Variants in MCF2L observed in about 807,000 individuals in gnomAD.
The protein encoded by MCF2L is MCF.2 cell line derived transforming sequence like, also known as guanine nucleotide exchange factor DBS.
Under a neutral mutation model 153.4 loss-of-function variants are expected in MCF2L, and 97 were observed. The ratio of observed to expected loss-of-function variants is 0.63; its 90% CI spans 0.54 to 0.75. MCF2L has a LOEUF of 0.75. MCF2L is among the 30% of genes least tolerant of loss of function. MCF2L has a pLI of 0.00. For missense variants in MCF2L, 1,347 were observed against 1,495.2 expected, an observed-to-expected ratio of 0.90 and a Z score of 1.64; for synonymous variants, 659 against 632.2, an observed-to-expected ratio of 1.04 and a Z score of -0.64.
chr13:112,999,775 C>T (rs146466265), intron 1 of MCF2L, among the ~76,000 whole-genome samples: 6 of 152,320 alleles, frequency 3.9e-5, no homozygotes, highest in African/African-American at 7.2e-5. Context: ...GGGGACCCAC[C>T]GTGTGGCACC....
chr13:113,079,355 G>A (rs72663541), intron 15 of MCF2L, among the ~76,000 whole-genome samples: 32 of 151,880 alleles, frequency 2.1e-4, no homozygotes, highest in Non-Finnish European at 3.5e-4. Flanking sequence ...TGAGGCACAC[G>A]CGGCTCCCTC....
At position 113,004,365 on chromosome 13, in the gene MCF2L, G is replaced by A. The variant is rs145294783; in HGVS notation, c.80-10398G>A. Among the ~76,000 whole-genome samples the A allele has an allele frequency of 3.7e-3, 567 of 152,320 alleles. 2 individuals are homozygous for A. Among genetic ancestry groups the A allele is most frequent in the African/African-American group, 0.013 (539 of 41,564 alleles). ...ACCTCCCACCTGCACAGCATCCTGC[G>A]TCGTAGCCAACACCACCTCCTCCAT... On this transcript the variant is annotated intron_variant, in intron 1 of 29. Transcript: ENST00000535094.
rs57296441 is a variant in MCF2L, at chr13:112,919,046, CCT to C, written c.169+16680_169+16681del. Among the ~76,000 whole-genome samples, 348 of 152,262 alleles carry C rather than the reference CCT, an allele frequency of 2.3e-3. 1 individual carries two copies. The highest frequency in any genetic ancestry group is 8.0e-3 in the African/African-American group (333 of 41,534). On this transcript the variant is annotated intron_variant, in intron 2 of 29. Transcript: ENST00000375608. Reference sequence around the variant, plus strand: ...ACACCTGTGGTCTGTGGGCCCCGTGCCTCTCTTACTATTCCTTCATTCTCTTT... The same window carrying C: ...ACACCTGTGGTCTGTGGGCCCCGTGCCTCTTACTATTCCTTCATTCTCTTT...
chr13:112,987,338 T>C (rs572024064), intron 1 of MCF2L, among the ~76,000 whole-genome samples: 1 of 39,470 alleles, frequency 2.5e-5, no homozygotes, highest in South Asian at 8.3e-4. Context: ...CCAGGGCTCG[T>C]TGTCTGCCCC....
rs1446195904 is a variant in MCF2L, at chr13:112,943,336, CCCCCGG to C, written c.169+40968_169+40973del. Among the ~76,000 whole-genome samples the C allele has an allele frequency of 2.0e-5, 3 of 152,276 alleles. No homozygotes were observed. The highest frequency in any genetic ancestry group is 7.2e-5 in the African/African-American group (3 of 41,576). ...GGGGGGTCGCGGTCGAGCTCTAGGG[CCCCCGG>C]CCGCAGAGCCCAGGCGCGGGGAGGG... On this transcript the variant is annotated intron_variant, in intron 2 of 29. Transcript: ENST00000375608. The surrounding 1 kb of genome is among the most constrained non-coding windows in gnomAD (Gnocchi z 4.2).
chr13:113,061,100 G>A (rs1283215078), intron 5 of MCF2L, among the ~76,000 whole-genome samples: 4 of 152,152 alleles, frequency 2.6e-5, no homozygotes, highest in Non-Finnish European at 5.9e-5. Context: ...TGCACCCCAG[G>A]GATGAGAGAA....
chr13:112,998,703 C>T (rs374907055), intron 1 of MCF2L, among the ~76,000 whole-genome samples: 44 of 152,300 alleles, frequency 2.9e-4, no homozygotes, highest in African/African-American at 9.6e-4. Flanking sequence ...TTCTGTCTTG[C>T]GCCGATTGGA....
chr13:113,019,165 G>A (rs1354776515), intron 2 of MCF2L, among the ~76,000 whole-genome samples: 6 of 152,156 alleles, frequency 3.9e-5, no homozygotes, highest in African/African-American at 7.2e-5. Context: ...CTTACATCTC[G>A]TCCTAAGGAT....
intron 2 of MCF2L, among the ~76,000 whole-genome samples, chr13:112,935,778 A>T (rs1382943624): frequency 6.6e-6 from 1 of 152,224 alleles, no homozygotes; most frequent in Non-Finnish European, 1.5e-5. Context: ...AGATGAAGTC[A>T]TGCAGGAGTG....
chr13:113,017,274 C>T (rs1012290424), intron 2 of MCF2L, among the ~76,000 whole-genome samples: 2 of 152,332 alleles, frequency 1.3e-5, no homozygotes, highest in African/African-American at 2.4e-5. Context: ...AACTGGGGCT[C>T]GTCTCTCAGG....
In MCF2L at chr13:112,941,630, C is replaced by T. The variant is rs2081576272; in HGVS notation, c.169+39259C>T. ...GGATAAAGTTCCTAAAACCATGGTCCACTGTGGGCGGCAAGCCACCCAGGT... is the reference window on the plus strand; with the variant it reads ...GGATAAAGTTCCTAAAACCATGGTCTACTGTGGGCGGCAAGCCACCCAGGT... On this transcript the variant is annotated intron_variant, in intron 2 of 29. Transcript: ENST00000375608. The surrounding 1 kb of genome is among the most constrained non-coding windows in gnomAD (Gnocchi z 4.9). 6.6e-6 allele frequency among the ~76,000 whole-genome samples: 1 copy of T among 151,890 alleles called. No individual in the cohort carries two copies. The highest frequency in any genetic ancestry group is 1.5e-5 in the Non-Finnish European group (1 of 68,010).
chr13:112,894,360 G>A (rs1471748123), upstream of MCF2L: 1 of 146,630 alleles, frequency 6.8e-6, no homozygotes, highest in Non-Finnish European at 1.5e-5. Context: ...CTGGGAGGAG[G>A]CGTCAGGACG....
chr13:113,088,292 G>A (rs769953589), intron 23 of MCF2L, 35 bp from the exon 24 acceptor site: 4 of 1,563,278 alleles, frequency 2.6e-6, no homozygotes, highest in South Asian at 1.1e-5. Flanking sequence ...GGGGGCCTGA[G>A]TACTCACCTC....
At chr13:113,034,096 T>C (rs1424392554) in intron 3 of MCF2L, 1 of 160,124 alleles carries the variant, frequency 6.2e-6, no homozygotes, top group East Asian at 2.0e-4. Context: ...GAAAGCAAAA[T>C]AAAATTAAAA....
chr13:113,066,799 G>A (rs947203250), intron 8 of MCF2L, among the ~76,000 whole-genome samples: 16 of 148,242 alleles, frequency 1.1e-4, no homozygotes, highest in Non-Finnish European at 1.8e-4. Context: ...CCCTGCCTCC[G>A]AGCTGAGGAG....
intron 1 of MCF2L, 41 bp from the exon 2 acceptor site, chr13:113,014,722 C>T (rs538270030): frequency 1.3e-6 from 2 of 1,576,968 alleles, no homozygotes; most frequent in African/African-American, 1.3e-5. Flanking sequence ...GGTGAGGCAG[C>T]TTCCTGGGAC....
At chr13:112,985,053 A>C in intron 1 of MCF2L, 1 of 198,036 alleles carries the variant, frequency 5.0e-6, no homozygotes, top group African/African-American at 2.3e-5. Flanking sequence ...AAAGCAAGGG[A>C]GGCCATGCCC....
At chr13:112,896,110 T>TC (rs2081065447) in intron 1 of MCF2L, among the ~76,000 whole-genome samples, 1 of 152,084 alleles carries the variant, frequency 6.6e-6, no homozygotes, top group South Asian at 2.1e-4. Context: ...TGGCACCACC[T>TC]CCCCCATCAC....
intron 3 of MCF2L, among the ~76,000 whole-genome samples, chr13:113,036,933 C>G (rs1230538897): frequency 6.6e-6 from 1 of 152,228 alleles, no homozygotes; most frequent in Non-Finnish European, 1.5e-5. Flanking sequence ...CCAGGAGTGG[C>G]CCGAGAAGAC....
Sources: gnomAD v4.1 joint callset for allele counts (sites outside exome capture counted in the v4.1 genomes callset) on GRCh38, gnomAD v4.1.1 for gene constraint, Gnocchi (gnomAD v3.1) non-coding constraint, MANE v1.5 for transcripts, NCBI Gene and HGNC (gene_info 2026-07-23, HGNC 2026-07-21) for gene names.